CELF2: variants seen among roughly 807,000 people sequenced by gnomAD.
CELF2 encodes CUG triplet repeat RNA-binding protein 2.
A neutral mutation model predicts 62.6 loss-of-function variants in CELF2; 8 were observed. The observed-to-expected ratio is 0.13, with a 90% CI of 0.07 to 0.23. The LOEUF (loss-of-function observed/expected upper bound fraction) is 0.23, where lower values mean the gene tolerates loss of function less well. Among genes scored for constraint, CELF2 ranks in the 10% least tolerant of loss-of-function variants. The pLI is 1.00. For synonymous variants in CELF2, 258 were observed against 250.0 expected, an observed-to-expected ratio of 1.03 and a Z score of -0.30; for missense variants, 333 against 671.0, an observed-to-expected ratio of 0.50 and a Z score of 5.56.
rs2066077170 is a variant in CELF2 at position 10,931,697 on chromosome 10, A to G, written c.89+11698A>G. Among the ~76,000 whole-genome samples the G allele has an allele frequency of 6.6e-6, 1 of 152,206 alleles. No homozygotes were observed. Among genetic ancestry groups the G allele is most frequent in the African/African-American group, 2.4e-5 (1 of 41,448 alleles). ...AAAATACATACCTAATTAATAATGG[A>G]GATGCTTATGGACACCACAATGAAA... On this transcript the variant is annotated intron_variant, in intron 2 of 13. Transcript: ENST00000636488. This position sits in a 1 kb window ranked among gnomAD's most constrained non-coding sequence, Gnocchi z 6.1.
At chr10:10,508,076 G>A in the CELF2 span, among the ~76,000 whole-genome samples, 2 of 151,970 alleles carry the variant, frequency 1.3e-5, no homozygotes, top group Admixed American at 6.6e-5. Flanking sequence ...AAATGAATAA[G>A]CCCAGAACAA....
At chr10:10,643,264 AC>A in the CELF2 span, among the ~76,000 whole-genome samples, 2 of 151,132 alleles carry the variant, frequency 1.3e-5, no homozygotes, top group African/African-American at 4.9e-5. Context: ...AGCTCCCATA[AC>A]CCCCGTGTAT....
chr10:11,304,688 A>G (rs1374061557), intron 9 of CELF2, among the ~76,000 whole-genome samples: 1 of 152,240 alleles, frequency 6.6e-6, no homozygotes, highest in Non-Finnish European at 1.5e-5. Context: ...GGATTAATCC[A>G]TTAATGAGGG....
At chr10:10,819,627 C>A (rs1225125985) in intron 1 of CELF2, among the ~76,000 whole-genome samples, 1 of 152,184 alleles carries the variant, frequency 6.6e-6, no homozygotes, top group African/African-American at 2.4e-5. Flanking sequence ...GTGCTCACTC[C>A]TCCTTCCCCT....
In CELF2 at chr10:11,305,349, T is replaced by G. The variant is rs1482946742; in HGVS notation, c.977-8790T>G. Reference sequence around the variant, plus strand: ...CATTGGCCTCCTTGTGGAGTCCTCATGCCCACACCTGGGTGCCGGCGCCCA... The same window carrying G: ...CATTGGCCTCCTTGTGGAGTCCTCAGGCCCACACCTGGGTGCCGGCGCCCA... On this transcript the variant is annotated intron_variant, in intron 9 of 12. Coordinates refer to ENST00000633077, the MANE Select transcript of CELF2 (RefSeq NM_001326342.2). This position sits in a 1 kb window ranked among gnomAD's most constrained non-coding sequence, Gnocchi z 4.8. 6.6e-6 allele frequency among the ~76,000 whole-genome samples: 1 copy of G among 152,234 alleles called. No homozygotes were observed. The highest frequency in any genetic ancestry group is 1.5e-5 in the Non-Finnish European group (1 of 68,032).
intron 1 of CELF2, among the ~76,000 whole-genome samples, chr10:10,883,037 T>A (rs1370741179): frequency 6.6e-6 from 1 of 152,226 alleles, no homozygotes; most frequent in Non-Finnish European, 1.5e-5. Context: ...TTAATTAAGA[T>A]AAGGTAGCAC....
chr10:11,114,402 A>G (rs1013091048), intron 1 of CELF2, among the ~76,000 whole-genome samples: 11 of 152,240 alleles, frequency 7.2e-5, no homozygotes, highest in African/African-American at 2.7e-4. Context: ...AATACATAAC[A>G]TATCAAAGAA....
At chr10:11,286,168 G>A (rs7099074) in intron 8 of CELF2, among the ~76,000 whole-genome samples, 90,784 of 152,088 alleles carry the variant, frequency 0.6, 29,034 homozygotes, top group Non-Finnish European at 0.73. Flanking sequence ...GGGACCTCAT[G>A]TCTCTGACCC....
intron 2 of CELF2, among the ~76,000 whole-genome samples, chr10:10,944,611 T>C (rs543330467): frequency 6.8e-6 from 1 of 147,694 alleles, no homozygotes; most frequent in Non-Finnish European, 1.5e-5. Context: ...TTTTCTTTTG[T>C]TTTTTTTTGT....
chr10:10,653,669 C>G, the CELF2 span, among the ~76,000 whole-genome samples: 1 of 144,074 alleles, frequency 6.9e-6, no homozygotes, highest in Non-Finnish European at 1.5e-5. Flanking sequence ...TTGAAACCAA[C>G]GAGAACAAAG....
intron 2 of CELF2, among the ~76,000 whole-genome samples, chr10:11,185,340 A>G (rs2074571139): frequency 6.6e-6 from 1 of 152,086 alleles, no homozygotes; most frequent in African/African-American, 2.4e-5. Flanking sequence ...ACACCCAGCT[A>G]TATTGACTGA....
At chr10:10,825,665 A>G (rs1202663442) in intron 1 of CELF2, among the ~76,000 whole-genome samples, 1 of 152,190 alleles carries the variant, frequency 6.6e-6, no homozygotes, top group Admixed American at 6.5e-5. Flanking sequence ...GTCAGCAGCC[A>G]TCTAGGTATC....
chr10:10,464,284 G>C, the CELF2 span, among the ~76,000 whole-genome samples: 3 of 152,184 alleles, frequency 2.0e-5, no homozygotes, highest in East Asian at 5.8e-4. Context: ...ACCGGTAACT[G>C]TCTATTAGCA....
chr10:10,686,854 G>C, the CELF2 span, among the ~76,000 whole-genome samples: 19 of 152,072 alleles, frequency 1.2e-4, no homozygotes, highest in African/African-American at 4.3e-4. Context: ...ACTACAAAAG[G>C]CTCATTCCAC....
chr10:10,959,527 G>A (rs1386196406), intron 2 of CELF2, among the ~76,000 whole-genome samples: 1 of 152,160 alleles, frequency 6.6e-6, no homozygotes, highest in Non-Finnish European at 1.5e-5. Flanking sequence ...CATTTTCCAA[G>A]GGAGAATGAT....
intron 2 of CELF2, among the ~76,000 whole-genome samples, chr10:11,187,472 C>T (rs2075247913): frequency 6.6e-6 from 1 of 151,920 alleles, no homozygotes; most frequent in South Asian, 2.1e-4. Context: ...TTTTTGAATC[C>T]ACTCAGACAA....
chr10:10,472,529 C>CCAACA, the CELF2 span, among the ~76,000 whole-genome samples: 1 of 151,764 alleles, frequency 6.6e-6, no homozygotes, highest in Non-Finnish European at 1.5e-5. Context: ...AAGGTTTTGT[C>CCAACA]TGCTAAATCC....
chr10:10,832,572 A>G (rs7085538), intron 1 of CELF2, among the ~76,000 whole-genome samples: 10,317 of 152,230 alleles, frequency 0.068, 470 homozygotes, highest in East Asian at 0.22. Context: ...CCTTTCGAAG[A>G]GTGATGATAG....
At chr10:10,767,853 G>A in the CELF2 span, among the ~76,000 whole-genome samples, 26,506 of 134,672 alleles carry the variant, frequency 0.2, 2,978 homozygotes, top group East Asian at 0.44. Flanking sequence ...AAAATTAGCC[G>A]GGCGTGGTGG....
Sources: allele counts gnomAD v4.1 joint callset (sites outside exome capture counted in the v4.1 genomes callset), GRCh38; gene constraint gnomAD v4.1.1; non-coding constraint Gnocchi (gnomAD v3.1); transcripts MANE v1.5; gene names NCBI Gene and HGNC (gene_info 2026-07-23, HGNC 2026-07-21).